The following PLIN3 variants were observed in gnomAD, a reference collection of about 807,000 sequenced individuals.
PLIN3 encodes perilipin 3.
Under a neutral mutation model 35.9 loss-of-function variants are expected in PLIN3, and 30 were observed. That is an observed-to-expected ratio of 0.84 (90% confidence interval 0.62 to 1.13). The LOEUF (loss-of-function observed/expected upper bound fraction) is 1.13. Ranked by LOEUF, PLIN3 falls within the 50% of genes most tolerant of loss-of-function variation. The probability of loss-of-function intolerance (pLI) is 0.00; values close to 1 mark genes in which losing one functional copy is unlikely to be tolerated. For synonymous variants in PLIN3, 261 were observed against 262.5 expected (o/e 0.99, Z 0.06); for missense variants, 603 against 596.9 (o/e 1.01, Z -0.11).
intron 4 of PLIN3, among the ~76,000 whole-genome samples, chr19:4,855,407 C>A (rs1417607280): frequency 1.3e-5 from 2 of 152,180 alleles, no homozygotes; most frequent in Non-Finnish European, 2.9e-5. Context: ...GGCCCTGAGA[C>A]GGGGGCTCCT....
chr19:4,843,033 C>G (rs966841930), intron 7 of PLIN3, among the ~76,000 whole-genome samples: 4 of 148,442 alleles, frequency 2.7e-5, no homozygotes, highest in Non-Finnish European at 5.9e-5. Context: ...CCAGCCTGGC[C>G]AACATGGCGA....
At chr19:4,859,693 G>A (rs763931008) in intron 3 of PLIN3, 21 bp from the exon 4 acceptor site, 8 of 1,612,472 alleles carry the variant, frequency 5.0e-6, no homozygotes, top group Admixed American at 1.7e-5. Context: ...CAATTAAGAC[G>A]CAAATGTGAC....
intron 1 of PLIN3, among the ~76,000 whole-genome samples, chr19:4,866,022 CTT>C (rs1217481158): frequency 5.4e-5 from 7 of 129,154 alleles, no homozygotes; most frequent in East Asian, 2.3e-4. Flanking sequence ...CATGCCCGGC[CTT>C]TTTTTTTTTT....
rs1228542523 is a variant in PLIN3 at position 4,859,461 on chromosome 19, G to A, written c.348+129C>T. The A allele has an allele frequency of 6.3e-6, 5 of 789,068 alleles. No homozygotes were observed. The African/African-American group carries it at 8.5e-5, about 13-fold the overall frequency. 48.9% of individuals were successfully genotyped at this position (789,068 alleles called of 1,614,324 possible). The stretch of plus-strand genomic sequence containing the variant: ...CCTGTGGGGAGTGGATTCGGGGTGG[G>A]GATGGGAACCGACAGGAGAGGCAGC... On this transcript the variant is annotated intron_variant, in intron 4 of 7. Transcript: ENST00000221957.
rs185799636 is a variant in PLIN3, at chr19:4,854,231, C to T, written c.349-1930G>A. The stretch of plus-strand genomic sequence containing the variant: ...GACCGACATGAGCCACTGTGTCCAG[C>T]TGAAGCTAAGTCTTTAGACAGATCT... On this transcript the variant is annotated intron_variant, in intron 4 of 7. Coordinates refer to ENST00000221957, the MANE Select transcript of PLIN3 (RefSeq NM_005817.5). 9.2e-5 allele frequency among the ~76,000 whole-genome samples: 14 copies of T among 152,198 alleles called. No individual in the cohort carries two copies. The East Asian group carries it at 1.7e-3, about 19-fold the overall frequency.
rs779604772 is a variant in PLIN3 at position 4,859,776 on chromosome 19, C to T, written c.265+50G>A. The T allele has an allele frequency of 3.7e-6, 6 of 1,604,246 alleles. No homozygotes were observed. In the East Asian group the frequency reaches 1.1e-4, roughly 30 times the overall value. Reference sequence around the variant, plus strand: ...TGGGTAGACCCCCCTACTCCCCACCCAGGGAAATGACCAGGAGGGGAATTC... The same window carrying T: ...TGGGTAGACCCCCCTACTCCCCACCTAGGGAAATGACCAGGAGGGGAATTC... On this transcript the variant is annotated intron_variant, in intron 3 of 7. Transcript: ENST00000221957.
chr19:4,846,746 G>A (rs116327749), intron 6 of PLIN3, among the ~76,000 whole-genome samples: 1 of 151,974 alleles, frequency 6.6e-6, no homozygotes, highest in Non-Finnish European at 1.5e-5. Flanking sequence ...GGGAAGGGAC[G>A]ACCACGTGAA....
chr19:4,857,991 G>A (rs979840947), intron 4 of PLIN3, among the ~76,000 whole-genome samples: 1 of 146,760 alleles, frequency 6.8e-6, no homozygotes, highest in Non-Finnish European at 1.5e-5. Context: ...AAAAAAAGAG[G>A]GGGCCGGGCA....
At chr19:4,848,791 C>T (rs544918204) in intron 5 of PLIN3, among the ~76,000 whole-genome samples, 9 of 152,018 alleles carry the variant, frequency 5.9e-5, no homozygotes, top group Admixed American at 2.6e-4. Context: ...CGCTTGAACC[C>T]GGGAGGTGGA....
At chr19:4,857,546 G>A (rs1296519745) in intron 4 of PLIN3, among the ~76,000 whole-genome samples, 5 of 151,966 alleles carry the variant, frequency 3.3e-5, no homozygotes, top group Admixed American at 6.6e-5. Flanking sequence ...CCCACCCTGG[G>A]TGACAGAGTG....
chr19:4,853,736 C>T (rs2030380745), intron 4 of PLIN3, among the ~76,000 whole-genome samples: 1 of 151,710 alleles, frequency 6.6e-6, no homozygotes, highest in African/African-American at 2.4e-5. Context: ...TCCCTTGAAC[C>T]CGGGAGGTGG....
chr19:4,860,358 A>G (rs2146214254), intron 2 of PLIN3, among the ~76,000 whole-genome samples: 1 of 152,040 alleles, frequency 6.6e-6, no homozygotes, highest in Admixed American at 6.6e-5. Flanking sequence ...GGGTGCCACC[A>G]CGCCCAGCTA....
Position 4,847,870 on chromosome 19 carries a change from C to A in PLIN3, c.655G>T (p.Asp219Tyr). 1 of 1,613,746 alleles carries A rather than the reference C, an allele frequency of 6.2e-7. No homozygotes were observed. Residue 219 changes from aspartate to tyrosine, a missense_variant, in exon 6 of 8, where the codon GAT becomes TAT. Physicochemically the swap from Asp to Tyr is radical, Grantham distance 160. Transcript: ENST00000221957. ...TGCACGGACGCGACGTCAAAGCCAT[C>A]CAGGGATGTGGCGATGCGGGCTGCA... The part of the protein sequence containing the change: ...AELARIATSL[D>Y]GFDVASVQQQ...
intron 4 of PLIN3, among the ~76,000 whole-genome samples, chr19:4,856,711 T>TTTTTTTTTTTTTTTTTTTTTTC (rs2030488372): frequency 6.6e-6 from 1 of 150,938 alleles, no homozygotes. Flanking sequence ...GGGTGTTTTT[T>TTTTTTTTTTTTTTTTTTTTTTC]TTTTTTTTTT....
At chr19:4,843,868 T>C (rs1336020182) in intron 7 of PLIN3, among the ~76,000 whole-genome samples, 1 of 152,116 alleles carries the variant, frequency 6.6e-6, no homozygotes, top group Admixed American at 6.6e-5. Context: ...CAAAAATTGA[T>C]ATATAATCCA....
chr19:4,844,621 C>T (rs17363814), intron 7 of PLIN3, 47 bp downstream of exon 7: 425,860 of 1,551,118 alleles, frequency 0.27, 59,752 homozygotes, highest in East Asian at 0.38. Context: ...AGAGTGGCAT[C>T]GGGACTCCAA....
rs201725222 is a variant in PLIN3, at chr19:4,847,721, A to G, written c.804T>C (p.Ala268=). Residue 268 remains alanine (A), a synonymous_variant, in exon 6 of 8, where the codon GCT becomes GCC. Transcript: ENST00000221957. ...TTAGGACCTGCGACAGCTGCAGCAG[A>G]GCCTCCTGTGCCCTCTGCTTGGTGG... ...LRATKQRAQE[A]LLQLSQVLSL... is the part of the protein sequence containing the mutation. 59 of 1,609,164 alleles carry G rather than the reference A, an allele frequency of 3.7e-5. No individual in the cohort carries two copies. The East Asian group carries it at 1.2e-3, about 33-fold the overall frequency.
chr19:4,859,577 C>A lies in PLIN3; in HGVS notation c.348+13G>T. ...CCTGTCTCGACAGAGCCCCTGAGGA[C>A]GGACATCGTTACCTTCTCCGTGGGC... On this transcript the variant is annotated intron_variant, in intron 4 of 7. Transcript: ENST00000221957. The A allele has an allele frequency of 6.2e-7, 1 of 1,611,976 alleles. No individual in the cohort carries two copies.
chr19:4,839,008 A>G lies in PLIN3; in HGVS notation c.*184T>C. ...CTCAGAACAGGCTTCTTCCAAGCTC[A>G]GAGAGGCTGAGAGATGGGTCAACTG... On this transcript the variant is annotated 3_prime_UTR_variant, in exon 8 of 8. Coordinates refer to ENST00000221957, the MANE Select transcript of PLIN3 (RefSeq NM_005817.5). The G allele has an allele frequency of 2.0e-6, 1 of 509,010 alleles. No homozygotes were observed. Among genetic ancestry groups the G allele is most frequent in the Non-Finnish European group, 3.5e-6 (1 of 285,384 alleles). The allele number at this position is 509,010 out of a possible 1,614,324, so 31.5% of individuals were successfully genotyped here. A position where few individuals can be genotyped will look rare whatever the true frequency, so the allele number is the denominator to read the frequency against.
Sources: gnomAD v4.1 joint callset for allele counts (sites outside exome capture counted in the v4.1 genomes callset) on GRCh38, gnomAD v4.1.1 for gene constraint, MANE v1.5 for transcripts, NCBI Gene and HGNC (gene_info 2026-07-23, HGNC 2026-07-21) for gene names.